FOXP2: variants seen among roughly 807,000 people sequenced by gnomAD.
FOXP2 encodes the protein forkhead box P2.
In FOXP2, 12 loss-of-function variants were observed where a neutral mutation model predicts 115.8. The ratio of observed to expected loss-of-function variants is 0.10; its 90% CI spans 0.07 to 0.17. The LOEUF is 0.17. Among genes scored for constraint, FOXP2 ranks in the 10% least tolerant of loss-of-function variants. The probability of loss-of-function intolerance (pLI) is 1.00; values close to 1 mark genes in which losing one functional copy is unlikely to be tolerated. For missense variants in FOXP2, 629 were observed against 843.5 expected (o/e 0.75, Z 3.15); for synonymous variants, 328 against 297.7 (o/e 1.10, Z -1.05).
In FOXP2 at chr7:114,390,654, A is replaced by G. The variant is rs568933907; in HGVS notation, c.-10-35848A>G. 1.3e-3 allele frequency among the ~76,000 whole-genome samples: 204 copies of G among 152,160 alleles called. 1 individual carries two copies. The highest frequency in any genetic ancestry group is 4.5e-3 in the African/African-American group (188 of 41,512). On this transcript the variant is annotated intron_variant, in intron 2 of 17. Transcript: ENST00000634411. ...CTGGAGCCTGAACCTCCCTGGGCTCAGGTAACCCTCCCACCTCAGCCTCCT... is the reference window on the plus strand; with the variant it reads ...CTGGAGCCTGAACCTCCCTGGGCTCGGGTAACCCTCCCACCTCAGCCTCCT...
intron 2 of FOXP2, among the ~76,000 whole-genome samples, chr7:114,359,095 G>A (rs1333823172): frequency 6.6e-6 from 1 of 152,120 alleles, no homozygotes; most frequent in African/African-American, 2.4e-5. Context: ...TGGTTTTGTG[G>A]GCCAGGCCTT....
At chr7:114,608,095 G>C (rs922581442) in intron 3 of FOXP2, among the ~76,000 whole-genome samples, 1 of 152,214 alleles carries the variant, frequency 6.6e-6, no homozygotes, top group Non-Finnish European at 1.5e-5. Flanking sequence ...GAAGGAACAA[G>C]TCTCTGAACT....
intron 1 of FOXP2, among the ~76,000 whole-genome samples, chr7:114,183,918 T>G (rs1384964510): frequency 6.6e-6 from 1 of 152,194 alleles, no homozygotes; most frequent in African/African-American, 2.4e-5. Context: ...CCTGTCATAA[T>G]CAGTTGCCAG....
chr7:114,546,623 T>C (rs906622847), intron 3 of FOXP2, among the ~76,000 whole-genome samples: 19 of 152,106 alleles, frequency 1.2e-4, no homozygotes, highest in Admixed American at 2.6e-4. Flanking sequence ...GGCAAACTCC[T>C]ATACATACTT....
At chr7:114,340,273 G>A (rs1174226770) in intron 2 of FOXP2, among the ~76,000 whole-genome samples, 1 of 151,008 alleles carries the variant, frequency 6.6e-6, no homozygotes, top group East Asian at 1.9e-4. Flanking sequence ...ATTAGAGACT[G>A]AGTAGCTTTT....
At chr7:114,619,751 G>A (rs967815828) in intron 3 of FOXP2, among the ~76,000 whole-genome samples, 2 of 151,972 alleles carry the variant, frequency 1.3e-5, no homozygotes, top group African/African-American at 2.4e-5. Context: ...TAAACTGGCT[G>A]TGAAAGTATT....
chr7:114,168,950 A>G (rs1317619475), intron 1 of FOXP2, among the ~76,000 whole-genome samples: 1 of 152,242 alleles, frequency 6.6e-6, no homozygotes, highest in Non-Finnish European at 1.5e-5. Context: ...AAGCTTTGGC[A>G]GCTTCCATGT....
intron 3 of FOXP2, among the ~76,000 whole-genome samples, chr7:114,578,297 C>G (rs908662688): frequency 6.6e-6 from 1 of 151,784 alleles, no homozygotes; most frequent in African/African-American, 2.4e-5. Flanking sequence ...AGGGTTGCGC[C>G]CTGTTACTAC....
chr7:114,496,368 C>A (rs180778574), intron 2 of FOXP2, among the ~76,000 whole-genome samples: 2 of 152,050 alleles, frequency 1.3e-5, no homozygotes, highest in East Asian at 1.9e-4. Flanking sequence ...AGAAATTATT[C>A]ACAAAAAATT....
At chr7:114,376,751 T>G (rs1321426866) in intron 2 of FOXP2, among the ~76,000 whole-genome samples, 1 of 152,188 alleles carries the variant, frequency 6.6e-6, no homozygotes, top group African/African-American at 2.4e-5. Context: ...AAAATGGAGT[T>G]AGAGATAACC....
intron 1 of FOXP2, among the ~76,000 whole-genome samples, chr7:114,099,840 T>C (rs1237365340): frequency 1.3e-5 from 2 of 152,134 alleles, no homozygotes; most frequent in African/African-American, 4.8e-5. Context: ...TGAATAAGTC[T>C]AAAGATCTAA....
At chr7:114,406,563 A>G (rs1793042404) in intron 2 of FOXP2, among the ~76,000 whole-genome samples, 1 of 152,010 alleles carries the variant, frequency 6.6e-6, no homozygotes, top group African/African-American at 2.4e-5. Flanking sequence ...TAGTTGTTAC[A>G]AAGTGAGGAA....
At chr7:114,119,461 C>T (rs556342925) in intron 1 of FOXP2, among the ~76,000 whole-genome samples, 2 of 152,110 alleles carry the variant, frequency 1.3e-5, no homozygotes, top group East Asian at 1.9e-4. Context: ...ATATTTGTGG[C>T]CAGGTGTGGT....
intron 2 of FOXP2, among the ~76,000 whole-genome samples, chr7:114,330,409 G>A (rs1002737368): frequency 6.6e-6 from 1 of 151,218 alleles, no homozygotes; most frequent in Admixed American, 6.6e-5. Flanking sequence ...GAAGCAGGAG[G>A]ATCCCTTGAG....
chr7:114,415,420 G>T, intron 1 of FOXP2, 60 bp downstream of exon 1: 1 of 381,340 alleles, frequency 2.6e-6, no homozygotes, highest in Non-Finnish European at 5.1e-6. Flanking sequence ...GGGATTTTAC[G>T]ATTGCTTTAC....
At chr7:114,115,591 G>A (rs1159455491) in intron 1 of FOXP2, among the ~76,000 whole-genome samples, 1 of 152,068 alleles carries the variant, frequency 6.6e-6, no homozygotes, top group East Asian at 1.9e-4. Flanking sequence ...AATATTGGCT[G>A]TTGATCTTCC....
intron 1 of FOXP2, among the ~76,000 whole-genome samples, chr7:114,093,950 C>T (rs113204959): frequency 2.1e-3 from 320 of 152,104 alleles, no homozygotes; most frequent in African/African-American, 7.4e-3. Flanking sequence ...TATACCTTAA[C>T]ATGAATAGAA....
At chr7:114,234,458 TATTCTGAATGA>T (rs1262267683) in intron 1 of FOXP2, among the ~76,000 whole-genome samples, 2 of 152,164 alleles carry the variant, frequency 1.3e-5, no homozygotes, top group Non-Finnish European at 2.9e-5. Context: ...GTCGTAAAAA[TATTCTGAATGA>T]GGTACAGGTT....
intron 1 of FOXP2, among the ~76,000 whole-genome samples, chr7:114,419,274 A>G (rs1026930546): frequency 6.6e-6 from 1 of 151,976 alleles, no homozygotes; most frequent in Non-Finnish European, 1.5e-5. Context: ...TTCATCCAAA[A>G]TAGGTGGATT....
Sources: allele counts gnomAD v4.1 joint callset (sites outside exome capture counted in the v4.1 genomes callset), GRCh38; gene constraint gnomAD v4.1.1; transcripts MANE v1.5; gene names NCBI Gene and HGNC (gene_info 2026-07-23, HGNC 2026-07-21).